Variants in EEPD1 observed in about 807,000 individuals in gnomAD.
EEPD1 encodes the protein endonuclease/exonuclease/phosphatase family domain-containing protein 1.
A neutral mutation model predicts 46.3 loss-of-function variants in EEPD1; 17 were observed. That is an observed-to-expected ratio of 0.37 (90% CI 0.25 to 0.55). The LOEUF (loss-of-function observed/expected upper bound fraction) is 0.55. Among genes scored for constraint, EEPD1 ranks in the 20% least tolerant of loss-of-function variants. The probability of loss-of-function intolerance (pLI) is 0.83; values close to 1 mark genes in which losing one functional copy is unlikely to be tolerated. For missense variants in EEPD1, 673 were observed against 745.6 expected (o/e 0.90, Z 1.13); for synonymous variants, 313 against 315.6 (o/e 0.99, Z 0.09).
chr7:36,168,272 T>C (rs909443758), intron 2 of EEPD1, among the ~76,000 whole-genome samples: 1 of 152,248 alleles, frequency 6.6e-6, no homozygotes, highest in Non-Finnish European at 1.5e-5. Context: ...ATTCATTAAG[T>C]GAATGCTCAC....
chr7:36,204,771 G>A (rs2115710743), intron 2 of EEPD1, among the ~76,000 whole-genome samples: 1 of 152,278 alleles, frequency 6.6e-6, no homozygotes, highest in Middle Eastern at 3.4e-3. Flanking sequence ...CGGAGTTTCT[G>A]AAGTGGCTAG....
chr7:36,296,617 A>G (rs1298701998), intron 6 of EEPD1, among the ~76,000 whole-genome samples: 3 of 148,884 alleles, frequency 2.0e-5, no homozygotes, highest in Non-Finnish European at 4.4e-5. Context: ...CATTTTATTC[A>G]TCTCTGGATT....
At chr7:36,207,799 A>G (rs550950315) in intron 2 of EEPD1, among the ~76,000 whole-genome samples, 1 of 152,146 alleles carries the variant, frequency 6.6e-6, no homozygotes, top group Admixed American at 6.5e-5. Flanking sequence ...TACTTTAGTA[A>G]TCCTCGAGTC....
intron 2 of EEPD1, among the ~76,000 whole-genome samples, chr7:36,162,546 A>T (rs1403030186): frequency 6.6e-6 from 1 of 152,142 alleles, no homozygotes; most frequent in African/African-American, 2.4e-5. Context: ...CAGGAGGCTG[A>T]TGTGGGAGGT....
chr7:36,237,673 A>G (rs1786479232), intron 2 of EEPD1, among the ~76,000 whole-genome samples: 1 of 152,022 alleles, frequency 6.6e-6, no homozygotes, highest in Non-Finnish European at 1.5e-5. Flanking sequence ...CCTGAGGTCA[A>G]GCACAGTGGA....
chr7:36,257,805 C>T (rs1019788886), intron 3 of EEPD1, among the ~76,000 whole-genome samples: 5 of 152,140 alleles, frequency 3.3e-5, no homozygotes, highest in Non-Finnish European at 7.3e-5. Context: ...TTATTACCCA[C>T]CTTCTGAAGC....
intron 2 of EEPD1, among the ~76,000 whole-genome samples, chr7:36,212,821 A>G (rs1045952778): frequency 6.6e-5 from 10 of 152,182 alleles, no homozygotes; most frequent in Admixed American, 2.0e-4. Context: ...TATAACAAGC[A>G]TATATTTTAT....
intron 2 of EEPD1, among the ~76,000 whole-genome samples, chr7:36,209,488 T>C (rs962689713): frequency 2.0e-5 from 3 of 152,138 alleles, no homozygotes; most frequent in African/African-American, 7.2e-5. Context: ...CTGTCGTGGG[T>C]GTGCAGGGGT....
At position 36,215,153 on chromosome 7, in the gene EEPD1, C is replaced by T. The variant is rs547090695; in HGVS notation, c.879-23832C>T. ...TCTGGGACCCATAGCTTTGAAGACACGGGTGAGATGCTGTTGCTTAACGAT... is the reference window on the plus strand; with the variant it reads ...TCTGGGACCCATAGCTTTGAAGACATGGGTGAGATGCTGTTGCTTAACGAT... On this transcript the variant is annotated intron_variant, in intron 2 of 7. Coordinates refer to ENST00000242108, the MANE Select transcript of EEPD1 (RefSeq NM_030636.3). Among the ~76,000 whole-genome samples, 10 of 152,308 alleles carry T rather than the reference C, an allele frequency of 6.6e-5. No homozygotes were observed. The East Asian group carries it at 1.2e-3, about 18-fold the overall frequency.
At chr7:36,202,923 C>A (rs1785739503) in intron 2 of EEPD1, among the ~76,000 whole-genome samples, 2 of 152,208 alleles carry the variant, frequency 1.3e-5, no homozygotes, top group Non-Finnish European at 1.5e-5. Context: ...GCATCTGAAG[C>A]AGGACAGTCA....
intron 5 of EEPD1, among the ~76,000 whole-genome samples, chr7:36,286,299 A>G (rs1348940560): frequency 6.6e-6 from 1 of 152,148 alleles, no homozygotes; most frequent in East Asian, 1.9e-4. Context: ...CTCCTCAGGC[A>G]CTGTGCCCCC....
chr7:36,292,402 CTTTT>C (rs1280005882), intron 6 of EEPD1, among the ~76,000 whole-genome samples: 1 of 149,940 alleles, frequency 6.7e-6, no homozygotes, highest in Non-Finnish European at 1.5e-5. Flanking sequence ...TTCTTTCTTT[CTTTT>C]CTTTCTTTTT....
chr7:36,201,520 A>G (rs1204706082), intron 2 of EEPD1, among the ~76,000 whole-genome samples: 1 of 152,166 alleles, frequency 6.6e-6, no homozygotes, highest in Non-Finnish European at 1.5e-5. Context: ...GGCAGGTCCC[A>G]TTACCTGGCT....
intron 2 of EEPD1, among the ~76,000 whole-genome samples, chr7:36,214,740 C>T (rs760650522): frequency 3.9e-5 from 6 of 152,184 alleles, no homozygotes; most frequent in Non-Finnish European, 7.3e-5. Context: ...GTTGTTGCAA[C>T]CTAACTAGCG....
At chr7:36,247,192 C>T (rs1311462132) in intron 3 of EEPD1, among the ~76,000 whole-genome samples, 4 of 151,522 alleles carry the variant, frequency 2.6e-5, no homozygotes, top group African/African-American at 9.7e-5. Flanking sequence ...CCAGGCAAAC[C>T]CTAGTGGTGG....
intron 2 of EEPD1, among the ~76,000 whole-genome samples, chr7:36,158,312 C>CT (rs1784854816): frequency 7.3e-6 from 1 of 137,208 alleles, no homozygotes; most frequent in Non-Finnish European, 1.6e-5. Context: ...CACCCATCCT[C>CT]TCCCTCATCA....
chr7:36,271,450 T>C (rs1475804911), intron 3 of EEPD1, among the ~76,000 whole-genome samples: 2 of 152,154 alleles, frequency 1.3e-5, no homozygotes, highest in African/African-American at 4.8e-5. Flanking sequence ...CACTTTTTGA[T>C]GGGGTTGTTT....
In EEPD1 at chr7:36,153,578, T is replaced by G. The variant is rs1784760850; in HGVS notation, c.-289T>G. 6.6e-6 allele frequency: 1 copy of G among 152,326 alleles called. No homozygotes were observed. Among genetic ancestry groups the G allele is most frequent in the African/African-American group, 2.4e-5 (1 of 41,410 alleles). 9.4% of individuals were successfully genotyped at this position (152,326 alleles called of 1,614,324 possible). A position where few individuals can be genotyped will look rare whatever the true frequency, so the allele number is the denominator to read the frequency against. On this transcript the variant is annotated 5_prime_UTR_variant, in exon 1 of 8. Transcript: ENST00000242108. The stretch of plus-strand genomic sequence containing the variant: ...AGTGACCCACACCCGCGCGGACGCC[T>G]AGGCTGGAGGCAGGGGGCCCGTGCT...
intron 2 of EEPD1, among the ~76,000 whole-genome samples, chr7:36,160,233 G>A (rs761798644): frequency 5.9e-5 from 9 of 152,200 alleles, no homozygotes; most frequent in Non-Finnish European, 1.2e-4. Context: ...TGGTAATAAA[G>A]TGGAGAACAA....
Sources: gnomAD v4.1 joint callset for allele counts (sites outside exome capture counted in the v4.1 genomes callset) on GRCh38, gnomAD v4.1.1 for gene constraint, MANE v1.5 for transcripts, NCBI Gene and HGNC (gene_info 2026-07-23, HGNC 2026-07-21) for gene names.